The following LHPP variants were observed in gnomAD, a reference collection of about 807,000 sequenced individuals.
LHPP encodes the protein phospholysine phosphohistidine inorganic pyrophosphate phosphatase.
Under a neutral mutation model 30.3 loss-of-function variants are expected in LHPP, and 24 were observed. That is an observed-to-expected ratio of 0.79 (90% confidence interval 0.57 to 1.11). The LOEUF is 1.11. LHPP is among the 50% of genes most tolerant of loss of function. The pLI, the probability that LHPP is intolerant of heterozygous loss-of-function variation, is 0.00. For missense variants in LHPP, 356 were observed against 367.2 expected (o/e 0.97, Z 0.25); for synonymous variants, 150 against 157.1 (o/e 0.95, Z 0.34).
At chr10:124,595,141 T>C (rs1948927204) in intron 6 of LHPP, among the ~76,000 whole-genome samples, 1 of 152,224 alleles carries the variant, frequency 6.6e-6, no homozygotes, top group Admixed American at 6.5e-5. Context: ...TGACAGCCTC[T>C]GGTCCCCTCT....
Position 124,554,110 on chromosome 10 carries a change from A to T in LHPP, c.716+36839A>T. 4.1e-6 allele frequency: 4 copies of T among 980,180 alleles called. No individual in the cohort carries two copies. In the South Asian group the frequency reaches 1.9e-4, roughly 46 times the overall value. The allele number at this position is 980,180 out of a possible 1,614,324, so 60.7% of individuals were successfully genotyped here. A position where few individuals can be genotyped will look rare whatever the true frequency, so the allele number is the denominator to read the frequency against. Reference sequence around the variant, plus strand: ...GCCTGGATTCAGCTCCTGCTCTGACATTTACAGCTGGGACGACCTGGGCCA... The same window carrying T: ...GCCTGGATTCAGCTCCTGCTCTGACTTTTACAGCTGGGACGACCTGGGCCA... On this transcript the variant is annotated intron_variant, in intron 6 of 6. Transcript: ENST00000368842.
intron 5 of LHPP, among the ~76,000 whole-genome samples, chr10:124,501,883 C>T (rs777358542): frequency 2.0e-5 from 3 of 151,838 alleles, no homozygotes; most frequent in Non-Finnish European, 4.4e-5. Context: ...TGAAGAAGCT[C>T]CGTGACTTGT....
chr10:124,540,208 G>A (rs1955147429), intron 6 of LHPP, among the ~76,000 whole-genome samples: 6 of 152,222 alleles, frequency 3.9e-5, no homozygotes, highest in Admixed American at 2.6e-4. Context: ...GGGCAGGTGT[G>A]CCTTGTGCTG....
Position 124,598,503 on chromosome 10 carries a change from C to T in LHPP, c.717-14761C>T, listed in dbSNP as rs74616670. 4.0e-4 allele frequency among the ~76,000 whole-genome samples: 61 copies of T among 152,302 alleles called. 1 individual carries two copies. The East Asian group carries it at 0.012, about 29-fold the overall frequency. On this transcript the variant is annotated intron_variant, in intron 6 of 6. Transcript: ENST00000368842. ...CCATGGGGAAAGCCCCCCTGAGGTG[C>T]TTGGGCATCGGACCTGCCCACCATC...
Position 124,613,786 on chromosome 10 carries a change from T to C in LHPP, c.*426T>C, listed in dbSNP as rs578102739. The C allele has an allele frequency of 1.9e-4, 39 of 208,498 alleles. No individual in the cohort carries two copies. The highest frequency in any genetic ancestry group is 3.1e-4 in the Non-Finnish European group (32 of 102,674). The allele number at this position is 208,498 out of a possible 1,614,324, so 12.9% of individuals were successfully genotyped here. A position where few individuals can be genotyped will look rare whatever the true frequency, so the allele number is the denominator to read the frequency against. ...GCCCACTGCCTCCTCTTCAGACTCT[T>C]TGCATTTCAGTGAAGAGCCTGGAAG... is the stretch of plus-strand genomic sequence containing the variant. On this transcript the variant is annotated 3_prime_UTR_variant, in exon 7 of 7. Coordinates refer to ENST00000368842, the MANE Select transcript of LHPP (RefSeq NM_022126.4).
At position 124,576,067 on chromosome 10, in the gene LHPP, G is replaced by T. The variant is rs1485369387; in HGVS notation, c.717-37197G>T. 6.6e-6 allele frequency among the ~76,000 whole-genome samples: 1 copy of T among 152,172 alleles called. No individual in the cohort carries two copies. The highest frequency in any genetic ancestry group is 1.5e-5 in the Non-Finnish European group (1 of 68,026). ...AAGAAATGGGGGTTCCCACTGGATT[G>T]GTCGTTTCTGCATTGTCCGGAGCTC... On this transcript the variant is annotated intron_variant, in intron 6 of 6. Coordinates refer to ENST00000368842, the MANE Select transcript of LHPP (RefSeq NM_022126.4). The surrounding 1 kb of genome is among the most constrained non-coding windows in gnomAD (Gnocchi z 4.2).
At chr10:124,578,241 G>C (rs1466240982) in intron 6 of LHPP, among the ~76,000 whole-genome samples, 2 of 152,232 alleles carry the variant, frequency 1.3e-5, no homozygotes, top group African/African-American at 4.8e-5. Flanking sequence ...CAAGGGAGTA[G>C]AACGAAGACC....
chr10:124,569,801 T>A (rs566772086), intron 6 of LHPP, among the ~76,000 whole-genome samples: 40 of 152,298 alleles, frequency 2.6e-4, no homozygotes, highest in African/African-American at 9.4e-4. Flanking sequence ...GGTGTCTCTG[T>A]TCTCTCTTCT....
intron 1 of LHPP, among the ~76,000 whole-genome samples, chr10:124,470,693 T>C (rs1286164161): frequency 6.7e-6 from 1 of 148,916 alleles, no homozygotes; most frequent in Non-Finnish European, 1.5e-5. Flanking sequence ...ATAATAATAA[T>C]GTAGGCTGTG....
At position 124,523,478 on chromosome 10, in the gene LHPP, C is replaced by T. The variant is rs1954660053; in HGVS notation, c.716+6207C>T. 6.6e-6 allele frequency among the ~76,000 whole-genome samples: 1 copy of T among 152,258 alleles called. No homozygotes were observed. The highest frequency in any genetic ancestry group is 6.5e-5 in the Admixed American group (1 of 15,286). On this transcript the variant is annotated intron_variant, in intron 6 of 6. Transcript: ENST00000368842. This position sits in a 1 kb window ranked among gnomAD's most constrained non-coding sequence, Gnocchi z 4.2. Reference sequence around the variant, plus strand: ...GTCAAAGCAGCAGCTTGTCCTGGGTCTTCCCAGACTTCGCAGTGACGGATT... The same window carrying T: ...GTCAAAGCAGCAGCTTGTCCTGGGTTTTCCCAGACTTCGCAGTGACGGATT...
chr10:124,481,217 CAG>C (rs1491302735), intron 1 of LHPP, among the ~76,000 whole-genome samples: 20 of 151,780 alleles, frequency 1.3e-4, no homozygotes, highest in Non-Finnish European at 1.5e-4. Context: ...CAAAAACTGA[CAG>C]AGACAGGGCG....
chr10:124,513,424 AATT>A (rs1053948532), intron 5 of LHPP, among the ~76,000 whole-genome samples: 3 of 147,818 alleles, frequency 2.0e-5, no homozygotes, highest in African/African-American at 7.7e-5. Context: ...TTTTCTTTAA[AATT>A]ATTATTACTT....
intron 1 of LHPP, among the ~76,000 whole-genome samples, chr10:124,466,612 A>G (rs1019543479): frequency 2.6e-5 from 4 of 151,922 alleles, no homozygotes; most frequent in African/African-American, 9.7e-5. Flanking sequence ...ACCTGCCACC[A>G]TGCCTGGCTA....
chr10:124,561,134 C>T (rs1180122522), intron 6 of LHPP, among the ~76,000 whole-genome samples: 1 of 152,238 alleles, frequency 6.6e-6, no homozygotes, highest in Non-Finnish European at 1.5e-5. Flanking sequence ...CTGCAGAAGC[C>T]TGCTCTCCCT....
chr10:124,477,355 C>T (rs1192421786), intron 1 of LHPP, among the ~76,000 whole-genome samples: 4 of 152,194 alleles, frequency 2.6e-5, no homozygotes, highest in African/African-American at 9.7e-5. Context: ...TATTTCTCTG[C>T]ACTGGTTCCC....
intron 6 of LHPP, among the ~76,000 whole-genome samples, chr10:124,581,372 A>T (rs4962389): frequency 4.0e-5 from 6 of 151,892 alleles, no homozygotes; most frequent in African/African-American, 1.4e-4. Flanking sequence ...TTCATGGGCA[A>T]GTTTTTGTGT....
intron 6 of LHPP, among the ~76,000 whole-genome samples, chr10:124,542,148 TG>T (rs1955209998): frequency 6.6e-6 from 1 of 152,038 alleles, no homozygotes; most frequent in African/African-American, 2.4e-5. Context: ...GACCAGCACC[TG>T]GGGCAGTCTG....
chr10:124,601,840 C>T (rs936516284), intron 6 of LHPP, among the ~76,000 whole-genome samples: 1 of 152,246 alleles, frequency 6.6e-6, no homozygotes, highest in African/African-American at 2.4e-5. Context: ...CTGTTGACCA[C>T]CAGGCTGCAG....
chr10:124,574,091 C>G (rs970550340), intron 6 of LHPP, among the ~76,000 whole-genome samples: 1 of 152,134 alleles, frequency 6.6e-6, no homozygotes, highest in Non-Finnish European at 1.5e-5. Context: ...TCCCAACGCC[C>G]CTGTGAGTTC....
Sources: allele counts gnomAD v4.1 joint callset (sites outside exome capture counted in the v4.1 genomes callset), GRCh38; gene constraint gnomAD v4.1.1; non-coding constraint Gnocchi (gnomAD v3.1); transcripts MANE v1.5; gene names NCBI Gene and HGNC (gene_info 2026-07-23, HGNC 2026-07-21).